Variants in UPP2 observed in about 807,000 individuals in gnomAD.
UPP2 encodes the protein UPase 2.
In UPP2, 23 loss-of-function variants were observed where a neutral mutation model predicts 26.7. The observed-to-expected ratio is 0.86, with a 90% CI of 0.62 to 1.22. The LOEUF is 1.22. Among genes scored for constraint, UPP2 ranks in the 50% most tolerant of loss-of-function variants. The pLI, the probability that UPP2 is intolerant of heterozygous loss-of-function variation, is 0.00. For synonymous variants in UPP2, 127 were observed against 141.3 expected, an observed-to-expected ratio of 0.90 and a Z score of 0.72; for missense variants, 387 against 396.7, an observed-to-expected ratio of 0.98 and a Z score of 0.21.
At chr2:158,109,676 C>T (rs191467653) in intron 2 of UPP2, among the ~76,000 whole-genome samples, 1 of 152,128 alleles carries the variant, frequency 6.6e-6, no homozygotes, top group African/African-American at 2.4e-5. Flanking sequence ...CCTTGTCTAA[C>T]TGGAAAGGAG....
At chr2:158,126,587 C>T (rs1417462653) in intron 6 of UPP2, 1 of 152,194 alleles carries the variant, frequency 6.6e-6, no homozygotes, top group African/African-American at 2.4e-5. Context: ...ATATTCTCTT[C>T]TTTCATTACT....
At chr2:158,054,380 T>G (rs1402350644) in intron 3 of UPP2, among the ~76,000 whole-genome samples, 1 of 108,932 alleles carries the variant, frequency 9.2e-6, no homozygotes, top group Non-Finnish European at 1.7e-5. Context: ...GTTGGTTATT[T>G]TGAGGTTTTT....
At chr2:158,133,480 G>A (rs913281142) in intron 6 of UPP2, among the ~76,000 whole-genome samples, 16 of 152,046 alleles carry the variant, frequency 1.1e-4, no homozygotes, top group African/African-American at 3.6e-4. Context: ...TTGTAATAAC[G>A]TATAGTGAAA....
intron 1 of UPP2, among the ~76,000 whole-genome samples, chr2:158,102,355 GC>G (rs1683094734): frequency 6.6e-6 from 1 of 152,014 alleles, no homozygotes; most frequent in South Asian, 2.1e-4. Context: ...AGAAAATGGG[GC>G]AAAATAAATT....
intron 6 of UPP2, among the ~76,000 whole-genome samples, chr2:158,129,790 AG>A (rs1264403991): frequency 1.3e-5 from 2 of 151,254 alleles, no homozygotes; most frequent in African/African-American, 2.4e-5. Context: ...TTTTGAGACA[AG>A]GTCTCTGTCT....
At chr2:158,000,210 T>G (rs917786915) in intron 2 of UPP2, among the ~76,000 whole-genome samples, 5 of 152,108 alleles carry the variant, frequency 3.3e-5, no homozygotes, top group East Asian at 3.9e-4. Context: ...TGGATCTCTG[T>G]AAGCTCTGGA....
intron 2 of UPP2, among the ~76,000 whole-genome samples, chr2:158,110,419 G>A (rs963759410): frequency 2.1e-4 from 32 of 152,100 alleles, no homozygotes; most frequent in Non-Finnish European, 2.4e-4. Flanking sequence ...TTGGTTCCAG[G>A]TCTTTGCTAT....
At position 158,047,454 on chromosome 2, in the gene UPP2, G is replaced by A. The variant is rs185103459; in HGVS notation, c.147+31568G>A. On this transcript the variant is annotated intron_variant, in intron 3 of 9. Coordinates refer to the UPP2 transcript ENST00000605860. ...TTCCCAGTTTATGTGTCAGTGGCAAGAGGAGCATGCTGATATAAGGATTTT... is the reference window on the plus strand; with the variant it reads ...TTCCCAGTTTATGTGTCAGTGGCAAAAGGAGCATGCTGATATAAGGATTTT... Among the ~76,000 whole-genome samples, 61 of 152,324 alleles carry A rather than the reference G, an allele frequency of 4.0e-4. 2 individuals are homozygous for A. The highest frequency in any genetic ancestry group is 2.4e-3 in the Admixed American group (37 of 15,304).
At chr2:158,031,180 T>G (rs181070979) in intron 3 of UPP2, among the ~76,000 whole-genome samples, 1 of 152,148 alleles carries the variant, frequency 6.6e-6, no homozygotes, top group Non-Finnish European at 1.5e-5. Flanking sequence ...GGGGAATCAT[T>G]TGATTTCTTA....
chr2:158,056,390 CTTTGT>C (rs1302167561), intron 3 of UPP2, among the ~76,000 whole-genome samples: 1 of 151,956 alleles, frequency 6.6e-6, no homozygotes, highest in African/African-American at 2.4e-5. Context: ...ATTCAGATGT[CTTTGT>C]TTTGTTTATT....
chr2:158,037,373 C>CA (rs998161015), intron 3 of UPP2, among the ~76,000 whole-genome samples: 55 of 150,088 alleles, frequency 3.7e-4, no homozygotes, highest in South Asian at 2.1e-4. Flanking sequence ...GAGACTGTCT[C>CA]AAAAAAAAGA....
intron 2 of UPP2, among the ~76,000 whole-genome samples, chr2:158,012,798 A>G (rs1683601511): frequency 6.6e-6 from 1 of 152,166 alleles, no homozygotes; most frequent in South Asian, 2.1e-4. Context: ...ATTTTGTTGG[A>G]TCATGTTTTT....
At chr2:158,133,445 T>C (rs185030529) in intron 6 of UPP2, among the ~76,000 whole-genome samples, 1 of 152,306 alleles carries the variant, frequency 6.6e-6, no homozygotes, top group East Asian at 1.9e-4. Flanking sequence ...TCGAGAGATC[T>C]ATTGCATAGC....
intron 4 of UPP2, among the ~76,000 whole-genome samples, chr2:158,118,555 A>G (rs981888896): frequency 3.3e-5 from 5 of 151,934 alleles, no homozygotes; most frequent in Non-Finnish European, 7.4e-5. Flanking sequence ...TTTTGCTTCC[A>G]GAATGTGTTA....
At chr2:158,116,652 A>G (rs1007919576) in intron 3 of UPP2, among the ~76,000 whole-genome samples, 1 of 152,252 alleles carries the variant, frequency 6.6e-6, no homozygotes, top group South Asian at 2.1e-4. Context: ...GCGTAACATA[A>G]TAAGTGGCAA....
At chr2:158,014,028 G>A (rs55734829) in intron 2 of UPP2, among the ~76,000 whole-genome samples, 9,416 of 152,264 alleles carry the variant, frequency 0.062, 401 homozygotes, top group Non-Finnish European at 0.096. Flanking sequence ...GAGCTGTTTA[G>A]GATTGAACTG....
intron 3 of UPP2, among the ~76,000 whole-genome samples, chr2:158,116,027 A>T (rs1424955444): frequency 6.6e-6 from 1 of 152,200 alleles, no homozygotes; most frequent in Non-Finnish European, 1.5e-5. Flanking sequence ...ATTCTAAGGA[A>T]CTAAGCTGTA....
rs775390934 is a variant in UPP2 at position 158,123,909 on chromosome 2, G to T, written c.811+14G>T. On this transcript the variant is annotated intron_variant, in intron 6 of 6. Transcript: ENST00000005756. Reference sequence around the variant, plus strand: ...GTGGTCTAAAAGGTAAGCTTTTCGTGAATGCTTAGGGTCAAATTCTCCTCT... The same window carrying T: ...GTGGTCTAAAAGGTAAGCTTTTCGTTAATGCTTAGGGTCAAATTCTCCTCT... The T allele has an allele frequency of 6.2e-7, 1 of 1,610,738 alleles. No individual in the cohort carries two copies. Among genetic ancestry groups the T allele is most frequent in the Non-Finnish European group, 8.5e-7 (1 of 1,178,272 alleles).
chr2:158,000,889 T>G (rs1173738442), intron 2 of UPP2, among the ~76,000 whole-genome samples: 1 of 152,214 alleles, frequency 6.6e-6, no homozygotes, highest in Non-Finnish European at 1.5e-5. Context: ...ATCAGTAAAG[T>G]GGATAAAAAA....
Sources: gnomAD v4.1 joint callset for allele counts (sites outside exome capture counted in the v4.1 genomes callset) on GRCh38, gnomAD v4.1.1 for gene constraint, MANE v1.5 for transcripts, NCBI Gene and HGNC (gene_info 2026-07-23, HGNC 2026-07-21) for gene names.